Variants in EYA2 observed in about 807,000 individuals in gnomAD.
The protein encoded by EYA2 is EYA transcriptional coactivator and phosphatase 2, also known as protein phosphatase EYA2.
In EYA2, 31 loss-of-function variants were observed where a neutral mutation model predicts 69.2. The observed-to-expected ratio is 0.45, with a 90% CI of 0.34 to 0.60. The LOEUF is 0.60. EYA2 is among the 20% of genes least tolerant of loss of function. EYA2 has a pLI of 0.02. For missense variants in EYA2, 622 were observed against 701.2 expected (o/e 0.89, Z 1.28); for synonymous variants, 257 against 279.4 (o/e 0.92, Z 0.80).
chr20:47,147,553 C>T (rs141614125), intron 10 of EYA2, among the ~76,000 whole-genome samples: 1,938 of 152,260 alleles, frequency 0.013, 19 homozygotes, highest in Non-Finnish European at 0.02. Flanking sequence ...ATGAGGGTGA[C>T]GCCTTTGGGC....
chr20:47,146,748 G>A (rs970800798), intron 10 of EYA2, among the ~76,000 whole-genome samples: 6 of 152,166 alleles, frequency 3.9e-5, no homozygotes, highest in African/African-American at 1.2e-4. Flanking sequence ...TTTGTTCTCC[G>A]AGCCTGTAGT....
At chr20:47,187,416 T>C (rs2146684683) in intron 15 of EYA2, among the ~76,000 whole-genome samples, 1 of 151,578 alleles carries the variant, frequency 6.6e-6, no homozygotes, top group East Asian at 1.9e-4. Flanking sequence ...TACCACCTGC[T>C]GCAAAGAAAA....
In EYA2 at chr20:46,936,173, TA is replaced by T. The variant is rs1292719901; in HGVS notation, c.-11+41193del. On this transcript the variant is annotated intron_variant, in intron 1 of 15. Transcript: ENST00000327619. ...ACAAGGAGGGGTTAATGATGACATTTAAAAAAAGCCTTATTAGGCCAGGTGC... is the reference window on the plus strand; with the variant it reads ...ACAAGGAGGGGTTAATGATGACATTTAAAAAAGCCTTATTAGGCCAGGTGC... Among the ~76,000 whole-genome samples the T allele has an allele frequency of 2.6e-5, 4 of 152,052 alleles. No homozygotes were observed. In the East Asian group the frequency reaches 5.8e-4, roughly 22 times the overall value.
At chr20:47,134,009 AAGGGCC>A (rs1314138438) in intron 9 of EYA2, among the ~76,000 whole-genome samples, 1 of 152,258 alleles carries the variant, frequency 6.6e-6, no homozygotes, top group Non-Finnish European at 1.5e-5. Context: ...GGAACTGGCC[AAGGGCC>A]AGCCCTGAAG....
At chr20:47,122,003 T>C (rs2033058637) in intron 9 of EYA2, among the ~76,000 whole-genome samples, 1 of 152,192 alleles carries the variant, frequency 6.6e-6, no homozygotes, top group South Asian at 2.1e-4. Flanking sequence ...TTTATTACTT[T>C]TAAAATTTGT....
At chr20:47,110,251 T>G (rs1301829342) in intron 9 of EYA2, among the ~76,000 whole-genome samples, 3 of 152,136 alleles carry the variant, frequency 2.0e-5, no homozygotes, top group Admixed American at 6.5e-5. Context: ...TATTTTTTAT[T>G]TTATTTTTCT....
At chr20:47,049,055 AGAGGCACT>A (rs2146430692) in intron 5 of EYA2, among the ~76,000 whole-genome samples, 1 of 152,376 alleles carries the variant, frequency 6.6e-6, no homozygotes, top group South Asian at 2.1e-4. Flanking sequence ...ACTGAGGCAC[AGAGGCACT>A]AAGTCACTTG....
chr20:47,068,164 C>G (rs1795797253), intron 5 of EYA2, among the ~76,000 whole-genome samples: 1 of 152,236 alleles, frequency 6.6e-6, no homozygotes, highest in Non-Finnish European at 1.5e-5. Context: ...ATACCTTCCT[C>G]TCAGGATCGA....
At chr20:47,103,598 GGA>G (rs947489047) in intron 9 of EYA2, among the ~76,000 whole-genome samples, 14 of 152,200 alleles carry the variant, frequency 9.2e-5, no homozygotes, top group Non-Finnish European at 2.1e-4. Context: ...CAAGGCAGTA[GGA>G]GAGAGAAAGT....
intron 1 of EYA2, among the ~76,000 whole-genome samples, chr20:46,945,752 C>T (rs1428717415): frequency 6.6e-6 from 1 of 152,254 alleles, no homozygotes; most frequent in East Asian, 1.9e-4. Context: ...TTGCTCCTAT[C>T]TGCCTAGTCA....
At chr20:47,166,393 TAAAAAAAAA>T (rs370944686) in intron 10 of EYA2, among the ~76,000 whole-genome samples, 364 of 34,486 alleles carry the variant, frequency 0.011, 16 homozygotes, top group African/African-American at 0.024. Flanking sequence ...CAAGACTGTC[TAAAAAAAAA>T]AAAAAAAAAA....
rs189732372 is a variant in EYA2, at chr20:47,057,777, A to G, written c.416-14408A>G. 3.7e-3 allele frequency among the ~76,000 whole-genome samples: 559 copies of G among 152,126 alleles called. 4 individuals carry two copies. Among genetic ancestry groups the G allele is most frequent in the Middle Eastern group, 0.014 (4 of 294 alleles). ...TGGCATGTCAGATCCATGGGTGACC[A>G]TGAGTTCACTGTAGGTTGGCCCAAA... On this transcript the variant is annotated intron_variant, in intron 5 of 15. Transcript: ENST00000327619.
rs775914334 is a variant in EYA2, at chr20:47,172,812, C to G, written c.1143C>G (p.Ala381=). 1 of 1,614,056 alleles carries G rather than the reference C, an allele frequency of 6.2e-7. No homozygotes were observed. The highest frequency in any genetic ancestry group is 1.7e-5 in the Admixed American group (1 of 60,000). ...HGGVDWMRKL[A]FRYRRVKEMY... Reference sequence around the variant, plus strand: ...GCGTGGACTGGATGAGGAAGCTGGCCTTCCGCTACCGGCGGGTGAAGGAGA... The same window carrying G: ...GCGTGGACTGGATGAGGAAGCTGGCGTTCCGCTACCGGCGGGTGAAGGAGA... The change falls in exon 12 of 16, where the codon GCC becomes GCG. Residue 381 remains alanine, a synonymous_variant. Coordinates refer to ENST00000327619, the MANE Select transcript of EYA2 (RefSeq NM_005244.5).
rs777566670 is a variant in EYA2 at position 47,183,287 on chromosome 20, G to T, written c.1436-4G>T. On this transcript the variant is annotated splice_region_variant and splice_polypyrimidine_tract_variant and intron_variant, in intron 14 of 15. Coordinates refer to ENST00000327619, the MANE Select transcript of EYA2 (RefSeq NM_005244.5). ...TTTTTTCTTTCCTTCCTGTGTGCGT[G>T]CAGGGAAGGAGAGCTGCTTCGAGAG... 1 of 1,613,670 alleles carries T rather than the reference G, an allele frequency of 6.2e-7. No homozygotes were observed. The highest frequency in any genetic ancestry group is 8.5e-7 in the Non-Finnish European group (1 of 1,179,788).
At chr20:46,913,839 G>T (rs76949635) in intron 1 of EYA2, among the ~76,000 whole-genome samples, 1 of 152,170 alleles carries the variant, frequency 6.6e-6, no homozygotes, top group African/African-American at 2.4e-5. Flanking sequence ...GGAGCACCTC[G>T]TGTGGACCTG....
At chr20:46,988,550 C>T (rs947291847) in intron 1 of EYA2, among the ~76,000 whole-genome samples, 5 of 152,162 alleles carry the variant, frequency 3.3e-5, no homozygotes, top group Admixed American at 6.5e-5. Context: ...CTTATGATAA[C>T]GACGTGCTCA....
At chr20:46,965,300 A>G (rs1451006502) in intron 1 of EYA2, among the ~76,000 whole-genome samples, 1 of 152,218 alleles carries the variant, frequency 6.6e-6, no homozygotes. Context: ...GCCCAGTGTA[A>G]AAAGGGCTTT....
chr20:46,920,165 A>G (rs1202063972), intron 1 of EYA2, among the ~76,000 whole-genome samples: 2 of 152,202 alleles, frequency 1.3e-5, no homozygotes, highest in East Asian at 3.8e-4. Flanking sequence ...CCAAACTGTG[A>G]CACAGAGACA....
chr20:47,130,256 A>ATTTTTTTTT lies in EYA2; in HGVS notation c.889-12799_889-12798insTTTTTTTTT, dbSNP rs1392782309. On this transcript the variant is annotated intron_variant, in intron 9 of 15. Transcript: ENST00000327619. ...AACGGAAAGAAATAAAAGAAGGTTTATTTTCTTTTTTTTTTTTTTTTTTTT... is the reference window on the plus strand; with the variant it reads ...AACGGAAAGAAATAAAAGAAGGTTTATTTTTTTTTTTTTCTTTTTTTTTTTTTTTTTTTT... Among the ~76,000 whole-genome samples, 42 of 69,742 alleles carry ATTTTTTTTT rather than the reference A, an allele frequency of 6.0e-4. 1 individual carries two copies. Among genetic ancestry groups the ATTTTTTTTT allele is most frequent in the African/African-American group, 1.5e-3 (19 of 12,972 alleles). The allele number at this position is 69,742 out of a possible 152,430, so 45.8% of individuals were successfully genotyped here. A position where few individuals can be genotyped will look rare whatever the true frequency, so the allele number is the denominator to read the frequency against.
Sources: allele counts gnomAD v4.1 joint callset (sites outside exome capture counted in the v4.1 genomes callset), GRCh38; gene constraint gnomAD v4.1.1; transcripts MANE v1.5; gene names NCBI Gene and HGNC (gene_info 2026-07-23, HGNC 2026-07-21).